SLC24A4: variants seen among roughly 807,000 people sequenced by gnomAD.
SLC24A4 encodes the protein solute carrier family 24 member 4, also known as sodium/potassium/calcium exchanger 4.
Under a neutral mutation model 79.0 loss-of-function variants are expected in SLC24A4, and 53 were observed. That is an observed-to-expected ratio of 0.67 (90% confidence interval 0.54 to 0.84). The LOEUF (loss-of-function observed/expected upper bound fraction) is 0.84. SLC24A4 is among the 40% of genes least tolerant of loss of function. The probability of loss-of-function intolerance (pLI) is 0.00; values close to 1 mark genes in which losing one functional copy is unlikely to be tolerated. For missense variants in SLC24A4, 731 were observed against 822.0 expected, an observed-to-expected ratio of 0.89 and a Z score of 1.35; for synonymous variants, 323 against 323.8, an observed-to-expected ratio of 1.00 and a Z score of 0.03.
chr14:92,435,163 A>G (rs76568337), intron 3 of SLC24A4, among the ~76,000 whole-genome samples: 3,809 of 152,226 alleles, frequency 0.025, 138 homozygotes, highest in African/African-American at 0.08. Flanking sequence ...ACTTTGTTGT[A>G]CTTCTCAAAC....
intron 2 of SLC24A4, among the ~76,000 whole-genome samples, chr14:92,343,941 G>A (rs1253017269): frequency 1.3e-5 from 2 of 152,124 alleles, no homozygotes; most frequent in Non-Finnish European, 2.9e-5. Context: ...GACTTCAAAT[G>A]ATCCACCTGC....
intron 2 of SLC24A4, among the ~76,000 whole-genome samples, chr14:92,370,845 G>A (rs997816300): frequency 5.3e-5 from 8 of 152,184 alleles, no homozygotes; most frequent in Non-Finnish European, 1.0e-4. Flanking sequence ...TTCTGAGTGG[G>A]TAGAAAGAGG....
intron 2 of SLC24A4, among the ~76,000 whole-genome samples, chr14:92,339,020 C>A (rs1273023087): frequency 6.6e-6 from 1 of 152,196 alleles, no homozygotes; most frequent in Non-Finnish European, 1.5e-5. Context: ...GCTACTCTCT[C>A]CCTGGCTGGC....
chr14:92,442,673 C>A, intron 5 of SLC24A4, 40 bp from the exon 6 acceptor site: 1 of 1,428,650 alleles, frequency 7.0e-7, no homozygotes, highest in Non-Finnish European at 9.9e-7. Flanking sequence ...AGGCTGGGGA[C>A]GTGTGGCTGA....
chr14:92,334,452 A>G (rs140199648), intron 2 of SLC24A4, among the ~76,000 whole-genome samples: 3 of 152,322 alleles, frequency 2.0e-5, no homozygotes, highest in Non-Finnish European at 2.9e-5. Context: ...TGGGATGGTT[A>G]TAGTGGATCA....
chr14:92,405,974 C>T (rs148443826), intron 2 of SLC24A4, among the ~76,000 whole-genome samples: 3 of 152,294 alleles, frequency 2.0e-5, no homozygotes, highest in Non-Finnish European at 4.4e-5. Flanking sequence ...TCATCTGAAA[C>T]AAGGTAAGTC....
intron 2 of SLC24A4, among the ~76,000 whole-genome samples, chr14:92,421,723 G>C (rs11625636): frequency 2.6e-5 from 4 of 151,866 alleles, no homozygotes; most frequent in Non-Finnish European, 4.4e-5. Flanking sequence ...GCCCAGGGTG[G>C]TCTCGAACTC....
At chr14:92,338,998 C>T (rs1192904642) in intron 2 of SLC24A4, among the ~76,000 whole-genome samples, 1 of 152,168 alleles carries the variant, frequency 6.6e-6, no homozygotes, top group Non-Finnish European at 1.5e-5. Flanking sequence ...GAGCTGTGCC[C>T]CCACAAAAGT....
Position 92,491,653 on chromosome 14 carries a change from T to G in SLC24A4, c.1538-12T>G. 1 of 1,580,042 alleles carries G rather than the reference T, an allele frequency of 6.3e-7. No individual in the cohort carries two copies. Among genetic ancestry groups the G allele is most frequent in the African/African-American group, 1.3e-5 (1 of 74,342 alleles). Reference sequence around the variant, plus strand: ...TGCTCTTATAAAATAAATGTGTTGTTGTCCCCTGCAGGCCTTGGGGACATG... The same window carrying G: ...TGCTCTTATAAAATAAATGTGTTGTGGTCCCCTGCAGGCCTTGGGGACATG... On this transcript the variant is annotated splice_polypyrimidine_tract_variant and intron_variant, in intron 14 of 16. Coordinates refer to ENST00000532405, the MANE Select transcript of SLC24A4 (RefSeq NM_153646.4).
chr14:92,402,305 C>T (rs1228496750), intron 2 of SLC24A4, among the ~76,000 whole-genome samples: 1 of 152,054 alleles, frequency 6.6e-6, no homozygotes, highest in African/African-American at 2.4e-5. Flanking sequence ...TTGTGATTGT[C>T]CTGAAATACA....
chr14:92,354,505 C>T (rs141054470), intron 2 of SLC24A4, among the ~76,000 whole-genome samples: 72 of 152,216 alleles, frequency 4.7e-4, no homozygotes, highest in African/African-American at 1.6e-3. Context: ...AATGGACAAA[C>T]GCTTGCCGTT....
intron 2 of SLC24A4, among the ~76,000 whole-genome samples, chr14:92,382,376 T>A (rs1325298750): frequency 6.6e-6 from 1 of 152,190 alleles, no homozygotes; most frequent in African/African-American, 2.4e-5. Flanking sequence ...AGCCTCAGTT[T>A]TCCCATCTGT....
intron 2 of SLC24A4, among the ~76,000 whole-genome samples, chr14:92,326,420 G>T (rs917306293): frequency 1.3e-5 from 2 of 152,160 alleles, no homozygotes; most frequent in African/African-American, 2.4e-5. Context: ...CAGCTGCAGG[G>T]GTGGGACACT....
Position 92,323,644 on chromosome 14 carries a change from G to T in SLC24A4, c.-187G>T. 1 of 589,866 alleles carries T rather than the reference G, an allele frequency of 1.7e-6. No homozygotes were observed. The highest frequency in any genetic ancestry group is 2.7e-6 in the Non-Finnish European group (1 of 374,596). The allele number at this position is 589,866 out of a possible 1,614,324, so 36.5% of individuals were successfully genotyped here. On this transcript the variant is annotated 5_prime_UTR_variant, in exon 1 of 17. Coordinates refer to ENST00000532405, the MANE Select transcript of SLC24A4 (RefSeq NM_153646.4). The surrounding 1 kb of genome is among the most constrained non-coding windows in gnomAD (Gnocchi z 4.9). ...GGACTCTGAGCTCCGGCCGCGTCGC[G>T]CGTCCCCACCTTCCCAAGGGGCTCC...
chr14:92,392,151 G>A (rs143152056), intron 2 of SLC24A4, among the ~76,000 whole-genome samples: 8 of 151,400 alleles, frequency 5.3e-5, no homozygotes, highest in Admixed American at 2.0e-4. Context: ...CCACATTATC[G>A]GAAACTCTTT....
intron 4 of SLC24A4, among the ~76,000 whole-genome samples, chr14:92,440,057 C>T (rs535099663): frequency 2.0e-5 from 3 of 152,296 alleles, no homozygotes; most frequent in Admixed American, 6.5e-5. Context: ...AAATCTCCCG[C>T]GTGTTTGAGA....
Position 92,441,365 on chromosome 14 carries a change from C to T in SLC24A4, c.394-724C>T, listed in dbSNP as rs1595285694. On this transcript the variant is annotated intron_variant, in intron 4 of 16. Transcript: ENST00000532405. This position sits in a 1 kb window ranked among gnomAD's most constrained non-coding sequence, Gnocchi z 4.6. ...TGTGGCCAGACATGACCCGGACAGG[C>T]AGAACAGGCCCCAACCATGAGTTCC... 6.6e-6 allele frequency among the ~76,000 whole-genome samples: 1 copy of T among 152,214 alleles called. No individual in the cohort carries two copies. The highest frequency in any genetic ancestry group is 1.9e-4 in the East Asian group (1 of 5,200).
intron 2 of SLC24A4, among the ~76,000 whole-genome samples, chr14:92,415,290 T>C (rs1737918204): frequency 6.6e-6 from 1 of 152,214 alleles, no homozygotes; most frequent in Admixed American, 6.5e-5. Flanking sequence ...ATGGATGATG[T>C]TCCGAGGCTT....
chr14:92,359,176 G>A (rs77696761), intron 2 of SLC24A4, among the ~76,000 whole-genome samples: 15,357 of 152,178 alleles, frequency 0.1, 1,006 homozygotes, highest in Non-Finnish European at 0.14. Flanking sequence ...AGCCTAGCAG[G>A]CTTACCTAGT....
Sources: gnomAD v4.1 joint callset for allele counts (sites outside exome capture counted in the v4.1 genomes callset) on GRCh38, gnomAD v4.1.1 for gene constraint, Gnocchi (gnomAD v3.1) non-coding constraint, MANE v1.5 for transcripts, NCBI Gene and HGNC (gene_info 2026-07-23, HGNC 2026-07-21) for gene names.